PRELID2: variants seen among roughly 807,000 people sequenced by gnomAD.
The protein encoded by PRELID2 is PRELI domain containing 2, also known as PRELI domain-containing protein 2.
Under a neutral mutation model 28.4 loss-of-function variants are expected in PRELID2, and 25 were observed. That is an observed-to-expected ratio of 0.88 (90% CI 0.64 to 1.23). The LOEUF is 1.23. Ranked by LOEUF, PRELID2 falls within the 50% of genes most tolerant of loss-of-function variation. The probability of loss-of-function intolerance (pLI) is 0.00; values close to 1 mark genes in which losing one functional copy is unlikely to be tolerated. For synonymous variants in PRELID2, 76 were observed against 71.6 expected (o/e 1.06, Z -0.31); for missense variants, 201 against 214.4 (o/e 0.94, Z 0.39).
At chr5:145,404,529 A>G in the PRELID2 span, among the ~76,000 whole-genome samples, 5 of 152,218 alleles carry the variant, frequency 3.3e-5, no homozygotes, top group African/African-American at 9.6e-5. Context: ...CACACAGAGT[A>G]GTGGGAGAGA....
At chr5:145,818,935 C>T (rs1315587704) in intron 3 of PRELID2, among the ~76,000 whole-genome samples, 1 of 152,156 alleles carries the variant, frequency 6.6e-6, no homozygotes, top group African/African-American at 2.4e-5. Context: ...ATGGGAGAGA[C>T]TCAGTGGGAG....
intron 1 of PRELID2, among the ~76,000 whole-genome samples, chr5:145,634,772 G>A (rs1047523575): frequency 7.2e-5 from 11 of 152,136 alleles, no homozygotes; most frequent in African/African-American, 2.4e-4. Flanking sequence ...AACAGTACCT[G>A]GCAGAATTCA....
chr5:145,387,605 A>G, the PRELID2 span, among the ~76,000 whole-genome samples: 1 of 152,164 alleles, frequency 6.6e-6, no homozygotes, highest in African/African-American at 2.4e-5. Flanking sequence ...TTTTTTGACC[A>G]TACATGGCTT....
At chr5:145,691,454 C>T (rs1366120691) in intron 1 of PRELID2, among the ~76,000 whole-genome samples, 1 of 152,088 alleles carries the variant, frequency 6.6e-6, no homozygotes, top group Admixed American at 6.5e-5. Flanking sequence ...ACCTGTAATC[C>T]CAGCAAGTTG....
chr5:145,302,378 T>A, the PRELID2 span, among the ~76,000 whole-genome samples: 1 of 152,102 alleles, frequency 6.6e-6, no homozygotes, highest in African/African-American at 2.4e-5. Flanking sequence ...CCTCAAGTGA[T>A]CTGCCCACCT....
chr5:145,832,608 G>A (rs558400645), intron 1 of PRELID2, among the ~76,000 whole-genome samples: 1 of 152,198 alleles, frequency 6.6e-6, no homozygotes, highest in Non-Finnish European at 1.5e-5. Context: ...AATCCTGGCT[G>A]TCCTACCTGC....
At chr5:145,552,491 GAC>G (rs1176625664) in intron 1 of PRELID2, among the ~76,000 whole-genome samples, 4 of 151,936 alleles carry the variant, frequency 2.6e-5, no homozygotes, top group Non-Finnish European at 1.5e-5. Flanking sequence ...TGGGTAAAGA[GAC>G]ACACACTGTC....
At chr5:145,260,103 G>T in the PRELID2 span, among the ~76,000 whole-genome samples, 14 of 152,110 alleles carry the variant, frequency 9.2e-5, no homozygotes, top group Non-Finnish European at 1.6e-4. Flanking sequence ...CTCCTGCCAT[G>T]TAAGATGCTT....
chr5:145,817,918 C>G lies in PRELID2; in HGVS notation c.344G>C (p.Arg115Pro), dbSNP rs368066613. The G allele has an allele frequency of 2.7e-5, 42 of 1,557,300 alleles. No individual in the cohort carries two copies. The highest frequency in any genetic ancestry group is 3.6e-5 in the Non-Finnish European group (41 of 1,154,676). Residue 115 changes from arginine (R) to proline (P), a missense_variant, in exon 4 of 7, where the codon CGG becomes CCG. Coordinates refer to ENST00000683046, the MANE Select transcript of PRELID2 (RefSeq NM_205846.3). ...YASMKEESVFRESMENPNWTE... is the reference protein window; with the variant it reads ...YASMKEESVFPESMENPNWTE... ...CCAATTTGGGTTTTCCATACTTTCC[C>G]GGAAGACAGACTCTTCCTTCATGGA...
chr5:145,825,899 G>C, intron 1 of PRELID2: 1 of 361,720 alleles, frequency 2.8e-6, no homozygotes, highest in Non-Finnish European at 3.8e-6. Flanking sequence ...GTGGTAACCT[G>C]AATATTCATG....
intron 1 of PRELID2, among the ~76,000 whole-genome samples, chr5:145,565,877 G>A (rs1161458036): frequency 6.6e-6 from 1 of 152,174 alleles, no homozygotes; most frequent in Admixed American, 6.5e-5. Flanking sequence ...GAGGCCATAT[G>A]TTCATTTCTA....
At chr5:145,511,647 A>C (rs550591605) in intron 1 of PRELID2, among the ~76,000 whole-genome samples, 1 of 152,216 alleles carries the variant, frequency 6.6e-6, no homozygotes. Context: ...ATGGTTACAG[A>C]ATGACTGTTT....
chr5:145,345,600 A>T, the PRELID2 span, among the ~76,000 whole-genome samples: 1 of 152,154 alleles, frequency 6.6e-6, no homozygotes, highest in Non-Finnish European at 1.5e-5. Context: ...TATAGCTGGC[A>T]TTGCTTACTT....
chr5:145,425,858 A>T, the PRELID2 span, among the ~76,000 whole-genome samples: 11 of 152,284 alleles, frequency 7.2e-5, no homozygotes, highest in East Asian at 1.9e-4. Context: ...AAGAAAAAAA[A>T]AATAATTCAG....
intron 1 of PRELID2, among the ~76,000 whole-genome samples, chr5:145,626,827 G>A (rs142984204): frequency 3.9e-5 from 6 of 152,126 alleles, no homozygotes; most frequent in Admixed American, 2.6e-4. Flanking sequence ...GGCCAGATGC[G>A]GTGGCTCACG....
At chr5:145,509,935 T>A (rs1215580338) in intron 1 of PRELID2, among the ~76,000 whole-genome samples, 1 of 152,186 alleles carries the variant, frequency 6.6e-6, no homozygotes, top group East Asian at 1.9e-4. Flanking sequence ...AGTAGGCATT[T>A]GATAAACTGC....
the PRELID2 span, among the ~76,000 whole-genome samples, chr5:145,268,158 T>C: frequency 6.6e-6 from 1 of 152,186 alleles, no homozygotes; most frequent in African/African-American, 2.4e-5. Flanking sequence ...ATCCCATTTG[T>C]CCATTTGTTC....
At chr5:145,777,861 T>G (rs577382623) in intron 5 of PRELID2, among the ~76,000 whole-genome samples, 1 of 152,270 alleles carries the variant, frequency 6.6e-6, no homozygotes, top group East Asian at 1.9e-4. Context: ...GGCTTGGAAG[T>G]GCCTGTCCCT....
At chr5:145,682,591 C>A (rs1309686939) in intron 1 of PRELID2, among the ~76,000 whole-genome samples, 1 of 152,170 alleles carries the variant, frequency 6.6e-6, no homozygotes, top group Non-Finnish European at 1.5e-5. Flanking sequence ...TCACAGCTTC[C>A]TGCCTTGAAG....
Sources: allele counts gnomAD v4.1 joint callset (sites outside exome capture counted in the v4.1 genomes callset), GRCh38; gene constraint gnomAD v4.1.1; transcripts MANE v1.5; gene names NCBI Gene and HGNC (gene_info 2026-07-23, HGNC 2026-07-21).